SF1: variants seen among roughly 807,000 people sequenced by gnomAD.
SF1 encodes the protein splicing factor 1, also known as branch point-binding protein.
A neutral mutation model predicts 62.5 loss-of-function variants in SF1; 7 were observed. That is an observed-to-expected ratio of 0.11 (90% CI 0.06 to 0.21). The LOEUF (loss-of-function observed/expected upper bound fraction) is 0.21, where lower values mean the gene tolerates loss of function less well. Among genes scored for constraint, SF1 ranks in the 10% least tolerant of loss-of-function variants. The pLI is 1.00. For synonymous variants in SF1, 394 were observed against 323.6 expected (o/e 1.22, Z -2.33); for missense variants, 578 against 884.0 (o/e 0.65, Z 4.39).
intron 2 of SF1, among the ~76,000 whole-genome samples, chr11:64,774,957 C>T (rs1938932162): frequency 7.1e-6 from 1 of 140,630 alleles, no homozygotes; most frequent in African/African-American, 2.7e-5. Context: ...AAGACTCAGT[C>T]TCTCAAAAAA....
At position 64,765,969 on chromosome 11, in the gene SF1, G is replaced by GGCGTTCC; in HGVS notation, c.1768_1769insGGAACGC (p.Pro590ArgfsTer24). ...GGCATACATCATGCCGGCGGAACCA[G>GGCGTTCC]GCGGTGGAGGCGGCGGAGGGGGAGG... On this transcript the variant is annotated frameshift_variant, in exon 13 of 13. Transcript: ENST00000377390. LOFTEE classifies it high-confidence loss of function. The GGCGTTCC allele has an allele frequency of 6.3e-7, 1 of 1,595,996 alleles. No individual in the cohort carries two copies. Among genetic ancestry groups the GGCGTTCC allele is most frequent in the Non-Finnish European group, 8.5e-7 (1 of 1,171,396 alleles).
chr11:64,776,244 G>A, intron 2 of SF1: 1 of 416,562 alleles, frequency 2.4e-6, no homozygotes, highest in Non-Finnish European at 4.4e-6. Flanking sequence ...GCTGGACTGG[G>A]GACTGTTCTT....
At chr11:64,767,539 C>T in intron 10 of SF1, 32 bp downstream of exon 10, 3 of 1,523,230 alleles carry the variant, frequency 2.0e-6, no homozygotes, top group Non-Finnish European at 2.6e-6. Flanking sequence ...TATCCCAAAG[C>T]CCCCAAGGTT....
Position 64,765,295 on chromosome 11 carries a change from A to G in SF1, c.*523T>C, listed in dbSNP as rs1326257765. Reference sequence around the variant, plus strand: ...TCCTTGGACGGAGTCTGAAGAAAGGAAAAGATAAAGAAGTAACAAAGGAAA... The same window carrying G: ...TCCTTGGACGGAGTCTGAAGAAAGGGAAAGATAAAGAAGTAACAAAGGAAA... On this transcript the variant is annotated 3_prime_UTR_variant, in exon 13 of 13. Coordinates refer to ENST00000377390, the MANE Select transcript of SF1 (RefSeq NM_004630.4). 2 of 623,272 alleles carry G rather than the reference A, an allele frequency of 3.2e-6. No homozygotes were observed. The highest frequency in any genetic ancestry group is 2.1e-5 in the South Asian group (1 of 47,286). The allele number at this position is 623,272 out of a possible 1,614,324, so 38.6% of individuals were successfully genotyped here. A position where few individuals can be genotyped will look rare whatever the true frequency, so the allele number is the denominator to read the frequency against.
chr11:64,767,828 G>A lies in SF1; in HGVS notation c.1085C>T (p.Thr362Ile), dbSNP rs767094012. The A allele has an allele frequency of 2.5e-6, 4 of 1,612,884 alleles. No individual in the cohort carries two copies. The South Asian group carries it at 3.3e-5, about 13-fold the overall frequency. Residue 362 changes from threonine to isoleucine, a missense_variant, in exon 10 of 13, where the codon ACC becomes ATC. By Grantham distance (89) the Thr-to-Ile change is moderately conservative (BLOSUM62 -1). Transcript: ENST00000377390. Reference protein sequence around the residue: ...NPPPPSLMSTTQSRPPWMNSG... With the variant: ...NPPPPSLMSTIQSRPPWMNSG... Reference sequence around the variant, plus strand: ...ATTCATCCAGGGTGGGCGGCTCTGGGTGGTAGACATGAGAGACTACGTGAG... The same window carrying A: ...ATTCATCCAGGGTGGGCGGCTCTGGATGGTAGACATGAGAGACTACGTGAG...
chr11:64,768,106 C>T lies in SF1; in HGVS notation c.1068G>A (p.Pro356=), dbSNP rs1257026992. 3 of 1,607,328 alleles carry T rather than the reference C, an allele frequency of 1.9e-6. No homozygotes were observed. Among genetic ancestry groups the T allele is most frequent in the East Asian group, 2.2e-5 (1 of 44,672 alleles). Residue 356 remains proline (P), a splice_region_variant and synonymous_variant, in exon 9 of 13, where the codon CCG becomes CCA. Transcript: ENST00000377390. ...PAAPANNPPP[P]SLMSTTQSRP... Reference sequence around the variant, plus strand: ...CAAGAGAGCCAGCCCCCAGGCTCACCGGTGGAGGTGGGTTGTTGGCGGGAG... The same window carrying T: ...CAAGAGAGCCAGCCCCCAGGCTCACTGGTGGAGGTGGGTTGTTGGCGGGAG...
chr11:64,774,955 G>C (rs1196741303), intron 2 of SF1, among the ~76,000 whole-genome samples: 1 of 141,428 alleles, frequency 7.1e-6, no homozygotes, highest in Admixed American at 7.4e-5. Context: ...GCAAGACTCA[G>C]TCTCTCAAAA....
At position 64,765,552 on chromosome 11, in the gene SF1, T is replaced by C; in HGVS notation, c.*266A>G. 6.3e-7 allele frequency: 1 copy of C among 1,574,922 alleles called. No individual in the cohort carries two copies. Among genetic ancestry groups the C allele is most frequent in the African/African-American group, 1.4e-5 (1 of 72,440 alleles). On this transcript the variant is annotated 3_prime_UTR_variant, in exon 13 of 13. Coordinates refer to ENST00000377390, the MANE Select transcript of SF1 (RefSeq NM_004630.4). ...CCGGTTTGGGGAGAGGCAAAGGGAG[T>C]TGGGTGAGGAGAGAAAGAAGACAAA...
At chr11:64,778,209 C>A in intron 1 of SF1, 153 bp downstream of exon 1, 1 of 1,121,074 alleles carries the variant, frequency 8.9e-7, no homozygotes, top group Non-Finnish European at 1.1e-6. Context: ...AAGGGGAAGG[C>A]CGCGGTCAGG....
Position 64,770,241 on chromosome 11 carries a change from A to T in SF1, c.389+15T>A. ...CATGTGTCTTCATCCCAGATGACCG[A>T]GCCCCTCCGCTTACTTGTAATCTGC... is the stretch of plus-strand genomic sequence containing the variant. On this transcript the variant is annotated intron_variant, in intron 4 of 12. Coordinates refer to ENST00000377390, the MANE Select transcript of SF1 (RefSeq NM_004630.4). 1.2e-6 allele frequency: 2 copies of T among 1,608,942 alleles called. No homozygotes were observed. Among genetic ancestry groups the T allele is most frequent in the South Asian group, 2.2e-5 (2 of 90,998 alleles).
intron 3 of SF1, chr11:64,771,759 G>GC (rs1938359216): frequency 1.4e-5 from 14 of 984,584 alleles, no homozygotes; most frequent in Non-Finnish European, 1.6e-5. Flanking sequence ...TTTTTACTGT[G>GC]CAAGTTAAGC....
intron 1 of SF1, chr11:64,777,549 T>C: frequency 1.0e-6 from 1 of 985,460 alleles, no homozygotes. Context: ...GAGCTATCCT[T>C]GGTACGGTTC....
Position 64,765,540 on chromosome 11 carries a change from A to C in SF1, c.*278T>G. On this transcript the variant is annotated 3_prime_UTR_variant, in exon 13 of 13. Transcript: ENST00000377390. Reference sequence around the variant, plus strand: ...GATCCTGGCGGCCCGGTTTGGGGAGAGGCAAAGGGAGTTGGGTGAGGAGAG... The same window carrying C: ...GATCCTGGCGGCCCGGTTTGGGGAGCGGCAAAGGGAGTTGGGTGAGGAGAG... 1 of 1,597,442 alleles carries C rather than the reference A, an allele frequency of 6.3e-7. No individual in the cohort carries two copies. The highest frequency in any genetic ancestry group is 8.5e-7 in the Non-Finnish European group (1 of 1,173,744).
At chr11:64,772,124 G>T in intron 3 of SF1, 1 of 985,364 alleles carries the variant, frequency 1.0e-6, no homozygotes, top group Non-Finnish European at 1.2e-6. Context: ...CTAGAGGTTA[G>T]ACTGGCCCGA....
chr11:64,774,908 C>A (rs1938918664), intron 2 of SF1, among the ~76,000 whole-genome samples: 1 of 151,180 alleles, frequency 6.6e-6, no homozygotes, highest in East Asian at 1.9e-4. Context: ...TTGCAGTGAG[C>A]CGAGATCGCA....
At chr11:64,772,385 T>C in intron 3 of SF1, 2 of 983,616 alleles carry the variant, frequency 2.0e-6, no homozygotes, top group Non-Finnish European at 2.4e-6. Flanking sequence ...CCAAAATCTA[T>C]CTATAGGTAA....
intron 8 of SF1, 151 bp downstream of exon 8, chr11:64,768,871 A>G: frequency 1.5e-6 from 1 of 673,970 alleles, no homozygotes; most frequent in Non-Finnish European, 2.7e-6. Flanking sequence ...GCCTATTTCT[A>G]ATCATCCTGG....
intron 1 of SF1, among the ~76,000 whole-genome samples, chr11:64,777,234 A>C (rs146393737): frequency 6.6e-6 from 1 of 152,206 alleles, no homozygotes; most frequent in East Asian, 1.9e-4. Context: ...TCTATCAAAA[A>C]TTCAACAACC....
intron 1 of SF1, 25 bp downstream of exon 1, chr11:64,778,337 G>A (rs1939754561): frequency 8.2e-7 from 1 of 1,226,158 alleles, no homozygotes; most frequent in Non-Finnish European, 1.0e-6. Context: ...GGGGAGCGGG[G>A]GCAGCCCGGG....
Sources: allele counts gnomAD v4.1 joint callset (sites outside exome capture counted in the v4.1 genomes callset), GRCh38; gene constraint gnomAD v4.1.1; transcripts MANE v1.5; gene names NCBI Gene and HGNC (gene_info 2026-07-23, HGNC 2026-07-21).